SUCLG2: variants seen among roughly 807,000 people sequenced by gnomAD.
The protein encoded by SUCLG2 is succinate--CoA ligase [GDP-forming] subunit beta, mitochondrial.
In SUCLG2, 42 loss-of-function variants were observed where a neutral mutation model predicts 47.9. The ratio of observed to expected loss-of-function variants is 0.88; its 90% CI spans 0.69 to 1.14. SUCLG2 has a LOEUF of 1.14. Among genes scored for constraint, SUCLG2 ranks in the 50% most tolerant of loss-of-function variants. SUCLG2 has a pLI of 0.00. For missense variants in SUCLG2, 571 were observed against 525.9 expected, an observed-to-expected ratio of 1.09 and a Z score of -0.84; for synonymous variants, 195 against 197.3, an observed-to-expected ratio of 0.99 and a Z score of 0.10.
At chr3:67,615,314 G>A (rs1459386657) in intron 1 of SUCLG2, among the ~76,000 whole-genome samples, 1 of 151,910 alleles carries the variant, frequency 6.6e-6, no homozygotes, top group Non-Finnish European at 1.5e-5. Context: ...AATTAGAGGT[G>A]TAGAAACAAC....
intron 9 of SUCLG2, among the ~76,000 whole-genome samples, chr3:67,454,961 C>CAAAAAA (rs61683854): frequency 2.5e-4 from 28 of 111,514 alleles, no homozygotes; most frequent in African/African-American, 4.3e-4. Flanking sequence ...GACTCCGTCT[C>CAAAAAA]AAAAAAAAAA....
chr3:67,514,638 G>A (rs1016076608), intron 6 of SUCLG2, among the ~76,000 whole-genome samples: 1 of 152,176 alleles, frequency 6.6e-6, no homozygotes, highest in Non-Finnish European at 1.5e-5. Context: ...AAACTTGTAA[G>A]TTTCAGTCAT....
rs546928531 is a variant in SUCLG2 at position 67,411,542 on chromosome 3, C to T, written c.1063-10691G>A. ...AGATTCCAGCTATGATTTCAGTGAT[C>T]TATAAGCTATTTCTTATAGACTAAA... On this transcript the variant is annotated intron_variant, in intron 9 of 10. Coordinates refer to ENST00000307227, the MANE Select transcript of SUCLG2 (RefSeq NM_003848.4). Among the ~76,000 whole-genome samples the T allele has an allele frequency of 1.3e-5, 2 of 152,228 alleles. 1 individual carries two copies. Among genetic ancestry groups the T allele is most frequent in the South Asian group, 4.1e-4 (2 of 4,822 alleles).
chr3:67,405,934 G>A (rs1347051126), intron 9 of SUCLG2, among the ~76,000 whole-genome samples: 1 of 152,076 alleles, frequency 6.6e-6, no homozygotes, highest in African/African-American at 2.4e-5. Context: ...CCAAATTGAG[G>A]TGAAGATCTG....
chr3:67,652,138 C>T lies in SUCLG2; in HGVS notation c.84+2365G>A, dbSNP rs76475637. ...ACGTACTATCAATCAAAAGTCAAAA[C>T]AGTAAAGCTAACAGCAAAGGTGAAA... On this transcript the variant is annotated intron_variant, in intron 1 of 10. Transcript: ENST00000307227. Among the ~76,000 whole-genome samples, 16 of 141,742 alleles carry T rather than the reference C, an allele frequency of 1.1e-4. No individual in the cohort carries two copies. In the East Asian group the frequency reaches 3.3e-3, roughly 29 times the overall value. 93.0% of individuals were successfully genotyped at this position (141,742 alleles called of 152,430 possible). A position where few individuals can be genotyped will look rare whatever the true frequency, so the allele number is the denominator to read the frequency against.
intron 2 of SUCLG2, among the ~76,000 whole-genome samples, chr3:67,575,572 T>G (rs1324276285): frequency 2.0e-5 from 3 of 151,932 alleles, no homozygotes; most frequent in African/African-American, 7.3e-5. Context: ...TATGGGAGGG[T>G]GAAAATGTTC....
intron 9 of SUCLG2, among the ~76,000 whole-genome samples, chr3:67,466,708 A>G (rs1035344898): frequency 1.3e-5 from 2 of 152,172 alleles, no homozygotes; most frequent in African/African-American, 4.8e-5. Context: ...CTTTCGATCA[A>G]GTACTCTCAT....
intron 10 of SUCLG2, among the ~76,000 whole-genome samples, chr3:67,399,086 C>G (rs375151421): frequency 0.046 from 6,607 of 143,712 alleles, 197 homozygotes; most frequent in Middle Eastern, 0.1. Context: ...ACGAGTTAAT[C>G]GGTGCAGCAC....
intron 1 of SUCLG2, among the ~76,000 whole-genome samples, chr3:67,651,956 C>T (rs1701292940): frequency 6.6e-6 from 1 of 152,116 alleles, no homozygotes; most frequent in Non-Finnish European, 1.5e-5. Flanking sequence ...CTCACTCTCT[C>T]CCACCTCCAT....
intron 10 of SUCLG2, among the ~76,000 whole-genome samples, chr3:67,400,061 T>C (rs1553640521): frequency 6.6e-6 from 1 of 152,086 alleles, no homozygotes; most frequent in Non-Finnish European, 1.5e-5. Context: ...TACTCCCATT[T>C]TGAAAAACAC....
At chr3:67,628,444 G>A (rs1443755849) in intron 1 of SUCLG2, among the ~76,000 whole-genome samples, 1 of 152,212 alleles carries the variant, frequency 6.6e-6, no homozygotes, top group African/African-American at 2.4e-5. Flanking sequence ...GTATGTTTAA[G>A]TAACCACAGA....
chr3:67,526,240 G>A (rs958926482), intron 4 of SUCLG2, among the ~76,000 whole-genome samples: 1 of 152,198 alleles, frequency 6.6e-6, no homozygotes, highest in Non-Finnish European at 1.5e-5. Flanking sequence ...AAGAAGGATT[G>A]TCTTGGGCCG....
At chr3:67,587,494 CAAAT>C (rs924149536) in intron 2 of SUCLG2, among the ~76,000 whole-genome samples, 1 of 152,130 alleles carries the variant, frequency 6.6e-6, no homozygotes, top group African/African-American at 2.4e-5. Context: ...TTAAAAGTGA[CAAAT>C]GAATGTTGAA....
intron 9 of SUCLG2, among the ~76,000 whole-genome samples, chr3:67,461,396 A>C (rs1471952126): frequency 6.6e-6 from 1 of 152,124 alleles, no homozygotes; most frequent in Non-Finnish European, 1.5e-5. Context: ...AAAAACATAA[A>C]ATGTAATTCG....
chr3:67,412,252 T>C (rs1010193720), intron 9 of SUCLG2, among the ~76,000 whole-genome samples: 6 of 152,174 alleles, frequency 3.9e-5, no homozygotes, highest in African/African-American at 1.4e-4. Context: ...CAAAATGCTT[T>C]CTACCTCAAA....
chr3:67,615,387 T>C (rs1381989828), intron 1 of SUCLG2, among the ~76,000 whole-genome samples: 1 of 149,118 alleles, frequency 6.7e-6, no homozygotes, highest in Non-Finnish European at 1.5e-5. Flanking sequence ...GAAATGTCCC[T>C]GAGCTCGACA....
At chr3:67,648,445 C>T (rs1229704242) in intron 1 of SUCLG2, among the ~76,000 whole-genome samples, 1 of 152,202 alleles carries the variant, frequency 6.6e-6, no homozygotes, top group Non-Finnish European at 1.5e-5. Flanking sequence ...GTTTAACTGC[C>T]TAGTTCAGCC....
At chr3:67,573,721 G>A (rs1182912879) in intron 2 of SUCLG2, among the ~76,000 whole-genome samples, 3 of 152,118 alleles carry the variant, frequency 2.0e-5, no homozygotes, top group Non-Finnish European at 4.4e-5. Flanking sequence ...GGATTCAAAC[G>A]GCCTGGTGGG....
At chr3:67,502,444 C>T (rs951946496) in intron 7 of SUCLG2, among the ~76,000 whole-genome samples, 3 of 152,200 alleles carry the variant, frequency 2.0e-5, no homozygotes, top group Non-Finnish European at 4.4e-5. Flanking sequence ...TCCTAGCCAG[C>T]TATCCTTAAG....
Sources: gnomAD v4.1 joint callset for allele counts (sites outside exome capture counted in the v4.1 genomes callset) on GRCh38, gnomAD v4.1.1 for gene constraint, MANE v1.5 for transcripts, NCBI Gene and HGNC (gene_info 2026-07-23, HGNC 2026-07-21) for gene names.